PIK3AP1: variants seen among roughly 807,000 people sequenced by gnomAD.
PIK3AP1 encodes the protein phosphoinositide 3-kinase adapter protein 1.
A neutral mutation model predicts 88.1 loss-of-function variants in PIK3AP1; 21 were observed. The ratio of observed to expected loss-of-function variants is 0.24; its 90% CI spans 0.17 to 0.34. PIK3AP1 has a LOEUF of 0.34. PIK3AP1 is among the 10% of genes least tolerant of loss of function. The pLI, the probability that PIK3AP1 is intolerant of heterozygous loss-of-function variation, is 1.00. For synonymous variants in PIK3AP1, 398 were observed against 400.0 expected, an observed-to-expected ratio of 1.00 and a Z score of 0.06; for missense variants, 828 against 1,035.7, an observed-to-expected ratio of 0.80 and a Z score of 2.75.
intron 11 of PIK3AP1, 66 bp downstream of exon 11, chr10:96,623,406 T>G: frequency 7.0e-7 from 1 of 1,423,970 alleles, no homozygotes; most frequent in Non-Finnish European, 9.8e-7. Context: ...TTGTTACACT[T>G]GGAAATCACT....
chr10:96,613,835 G>A (rs1291566627), intron 13 of PIK3AP1, among the ~76,000 whole-genome samples: 3 of 152,162 alleles, frequency 2.0e-5, no homozygotes, highest in African/African-American at 7.2e-5. Context: ...ATACTCCCAG[G>A]TGCCAGGCAC....
Position 96,632,767 on chromosome 10 carries a change from C to T in PIK3AP1, c.1376-4274G>A, listed in dbSNP as rs867156568. 6 of 1,236,912 alleles carry T rather than the reference C, an allele frequency of 4.9e-6. No homozygotes were observed. The African/African-American group carries it at 6.0e-5, about 12-fold the overall frequency. 76.6% of individuals were successfully genotyped at this position (1,236,912 alleles called of 1,614,324 possible). A position where few individuals can be genotyped will look rare whatever the true frequency, so the allele number is the denominator to read the frequency against. On this transcript the variant is annotated intron_variant, in intron 8 of 16. Transcript: ENST00000339364. ...CTCACAGGATGATTAGAAGCGTGGGCATTAGGATCGCAATGCATAGGTTCC... is the reference window on the plus strand; with the variant it reads ...CTCACAGGATGATTAGAAGCGTGGGTATTAGGATCGCAATGCATAGGTTCC...
intron 8 of PIK3AP1, among the ~76,000 whole-genome samples, chr10:96,629,909 CAAAAAA>C (rs66669261): frequency 3.7e-4 from 2 of 5,414 alleles, no homozygotes; most frequent in African/African-American, 5.0e-4. Context: ...CAACAACAAC[CAAAAAA>C]AAAAAAAAAA....
chr10:96,647,034 T>C (rs1564968557), intron 7 of PIK3AP1, among the ~76,000 whole-genome samples: 1 of 152,172 alleles, frequency 6.6e-6, no homozygotes, highest in Non-Finnish European at 1.5e-5. Flanking sequence ...TTGGTTTTGA[T>C]GTGGTGAAAA....
chr10:96,608,678 G>A (rs1211906063), intron 14 of PIK3AP1, among the ~76,000 whole-genome samples: 8 of 152,224 alleles, frequency 5.3e-5, no homozygotes, highest in African/African-American at 1.4e-4. Flanking sequence ...TGTGCCCACA[G>A]ACACATGCAT....
chr10:96,599,153 G>C (rs1848838130), intron 16 of PIK3AP1, among the ~76,000 whole-genome samples: 1 of 152,158 alleles, frequency 6.6e-6, no homozygotes, highest in African/African-American at 2.4e-5. Context: ...AGAACGGACA[G>C]AGCATGAAGA....
At chr10:96,686,692 C>G (rs1196010540) in intron 2 of PIK3AP1, among the ~76,000 whole-genome samples, 1 of 152,144 alleles carries the variant, frequency 6.6e-6, no homozygotes, top group Non-Finnish European at 1.5e-5. Flanking sequence ...TATGCCCCGA[C>G]CATCCTCTGT....
intron 2 of PIK3AP1, among the ~76,000 whole-genome samples, chr10:96,701,872 GT>G (rs1425492732): frequency 5.9e-5 from 9 of 152,020 alleles, no homozygotes; most frequent in South Asian, 2.1e-4. Context: ...ACTTACAGGG[GT>G]TTTTTTCTTC....
At chr10:96,678,908 C>G (rs1188034050) in intron 2 of PIK3AP1, among the ~76,000 whole-genome samples, 1 of 152,168 alleles carries the variant, frequency 6.6e-6, no homozygotes. Flanking sequence ...GAGCGACCCA[C>G]TAATACCAAG....
At chr10:96,654,259 C>T (rs112068423) in intron 3 of PIK3AP1, among the ~76,000 whole-genome samples, 380 of 152,180 alleles carry the variant, frequency 2.5e-3, no homozygotes, top group Middle Eastern at 0.01. Flanking sequence ...GTGCTGGTTA[C>T]GTGGGGGGAA....
intron 2 of PIK3AP1, among the ~76,000 whole-genome samples, chr10:96,661,832 A>AGGAC (rs1564975051): frequency 2.1e-5 from 3 of 144,984 alleles, no homozygotes; most frequent in African/African-American, 8.0e-5. Flanking sequence ...CAGGACAGGA[A>AGGAC]AGGAAAGGGA....
intron 8 of PIK3AP1, among the ~76,000 whole-genome samples, chr10:96,631,527 A>T (rs1454924273): frequency 6.6e-6 from 1 of 152,218 alleles, no homozygotes; most frequent in Non-Finnish European, 1.5e-5. Context: ...GCAGACTTCC[A>T]CTTTGGGTAC....
chr10:96,645,518 A>G lies in PIK3AP1; in HGVS notation c.1330T>C (p.Tyr444His). ...SLNPGCDEDL[Y>H]ESMAAFVPAA... is the part of the protein sequence containing the mutation. Reference sequence around the variant, plus strand: ...GGGACAAAGGCAGCCATGGACTCATAGAGATCCTCGTCACAGCCGGGGTTG... The same window carrying G: ...GGGACAAAGGCAGCCATGGACTCATGGAGATCCTCGTCACAGCCGGGGTTG... Residue 444 changes from tyrosine (Y) to histidine (H), a missense_variant, in exon 8 of 17, where the codon TAT (tyrosine) becomes CAT (histidine). Physicochemically the swap from Tyr to His is moderately conservative, Grantham distance 83 (BLOSUM62 2). Around this residue, in one of 3 missense-constraint regions of PIK3AP1, gnomAD observed 610 missense variants for 760.1 expected, o/e 0.80. Coordinates refer to ENST00000339364, the MANE Select transcript of PIK3AP1 (RefSeq NM_152309.3). The G allele has an allele frequency of 6.2e-7, 1 of 1,614,148 alleles. No individual in the cohort carries two copies. Among genetic ancestry groups the G allele is most frequent in the Non-Finnish European group, 8.5e-7 (1 of 1,180,006 alleles).
At chr10:96,691,025 C>T (rs1402913819) in intron 2 of PIK3AP1, among the ~76,000 whole-genome samples, 1 of 152,120 alleles carries the variant, frequency 6.6e-6, no homozygotes, top group Admixed American at 6.5e-5. Flanking sequence ...CAGGGAGTTC[C>T]AGTCCTTGGC....
rs566044562 is a variant in PIK3AP1 at position 96,650,101 on chromosome 10, A to C, written c.988+1147T>G. ...TCCCAGGATCTCAAATTGTCAGGCT[A>C]TGAAATACTTTCTTCTAAGCCCCAA... On this transcript the variant is annotated intron_variant, in intron 6 of 16. Transcript: ENST00000339364. Among the ~76,000 whole-genome samples, 6 of 152,334 alleles carry C rather than the reference A, an allele frequency of 3.9e-5. No homozygotes were observed. The South Asian group carries it at 1.2e-3, about 32-fold the overall frequency.
chr10:96,658,617 G>T (rs1207537538), intron 2 of PIK3AP1, among the ~76,000 whole-genome samples: 1 of 152,276 alleles, frequency 6.6e-6, no homozygotes, highest in East Asian at 1.9e-4. Context: ...CTAGAGTGGA[G>T]GTCCCGTCCC....
chr10:96,682,133 G>A (rs1362890646), intron 2 of PIK3AP1, among the ~76,000 whole-genome samples: 1 of 152,058 alleles, frequency 6.6e-6, no homozygotes, highest in Non-Finnish European at 1.5e-5. Flanking sequence ...ACAAACACCT[G>A]TTCATAGATC....
chr10:96,611,814 G>A (rs1031281385), intron 13 of PIK3AP1, among the ~76,000 whole-genome samples: 14 of 152,168 alleles, frequency 9.2e-5, no homozygotes, highest in African/African-American at 3.1e-4. Flanking sequence ...AATTAACTTC[G>A]AGGAGGCAAT....
At chr10:96,645,399 G>A (rs571837806) in intron 8 of PIK3AP1, 74 bp downstream of exon 8, 27 of 1,499,296 alleles carry the variant, frequency 1.8e-5, no homozygotes, top group South Asian at 6.0e-5. Flanking sequence ...ACTGCCCCGC[G>A]CCATCTTCAT....
Sources: allele counts gnomAD v4.1 joint callset (sites outside exome capture counted in the v4.1 genomes callset), GRCh38; gene constraint gnomAD v4.1.1; regional missense constraint gnomAD v4.1.1; transcripts MANE v1.5; gene names NCBI Gene and HGNC (gene_info 2026-07-23, HGNC 2026-07-21).